The following FBXL7 variants were observed in gnomAD, a reference collection of about 807,000 sequenced individuals.
The protein encoded by FBXL7 is F-box/LRR-repeat protein 7.
FBXL7 carries 12 observed loss-of-function variants against 38.3 expected under a neutral mutation model. The ratio of observed to expected loss-of-function variants is 0.31; its 90% CI spans 0.20 to 0.51. The LOEUF is 0.51. Ranked by LOEUF, FBXL7 falls within the 20% of genes least tolerant of loss-of-function variation. The pLI is 0.98. For synonymous variants in FBXL7, 297 were observed against 300.9 expected (o/e 0.99, Z 0.13); for missense variants, 567 against 676.4 (o/e 0.84, Z 1.79).
In FBXL7 at chr5:15,847,478, C is replaced by T. The variant is rs1055143316; in HGVS notation, c.128-80412C>T. Among the ~76,000 whole-genome samples, 6 of 152,276 alleles carry T rather than the reference C, an allele frequency of 3.9e-5. No individual in the cohort carries two copies. The East Asian group carries it at 9.7e-4, about 25-fold the overall frequency. The stretch of plus-strand genomic sequence containing the variant: ...CGTGGGGATTATGGGAACTACAATT[C>T]AAGATGAGATTTGGGTGGGGACAAG... On this transcript the variant is annotated intron_variant, in intron 2 of 3. Coordinates refer to ENST00000504595, the MANE Select transcript of FBXL7 (RefSeq NM_012304.5).
chr5:15,574,188 C>T (rs1738883712), intron 1 of FBXL7, among the ~76,000 whole-genome samples: 1 of 152,176 alleles, frequency 6.6e-6, no homozygotes, highest in African/African-American at 2.4e-5. Context: ...TTCAGAAATA[C>T]TTTATGAATG....
chr5:15,642,834 C>T (rs748383808), intron 2 of FBXL7, among the ~76,000 whole-genome samples: 2 of 152,200 alleles, frequency 1.3e-5, no homozygotes, highest in Non-Finnish European at 2.9e-5. Context: ...CCCACAACAA[C>T]AATTTGCCTA....
At chr5:15,529,954 G>A (rs1580353913) in intron 1 of FBXL7, among the ~76,000 whole-genome samples, 1 of 152,140 alleles carries the variant, frequency 6.6e-6, no homozygotes, top group African/African-American at 2.4e-5. Flanking sequence ...GTGGCTTCAC[G>A]GTAGCTGTAA....
intron 2 of FBXL7, among the ~76,000 whole-genome samples, chr5:15,921,692 T>C (rs1741746220): frequency 6.6e-6 from 1 of 152,138 alleles, no homozygotes; most frequent in African/African-American, 2.4e-5. Context: ...AAGACTTAAA[T>C]AGAAATTTTT....
At chr5:15,824,157 G>T (rs1028257207) in intron 2 of FBXL7, among the ~76,000 whole-genome samples, 1 of 151,544 alleles carries the variant, frequency 6.6e-6, no homozygotes, top group African/African-American at 2.4e-5. Context: ...TTAGCTGGGC[G>T]TGGTGGCACG....
chr5:15,751,032 A>G (rs1276009631), intron 2 of FBXL7, among the ~76,000 whole-genome samples: 1 of 152,166 alleles, frequency 6.6e-6, no homozygotes, highest in Non-Finnish European at 1.5e-5. Context: ...TTGAAAAAGA[A>G]TGATGATTTT....
chr5:15,700,142 G>T (rs1014422699), intron 2 of FBXL7, among the ~76,000 whole-genome samples: 1 of 152,140 alleles, frequency 6.6e-6, no homozygotes, highest in African/African-American at 2.4e-5. Context: ...AAATTGGGTT[G>T]TTCCCTCCCA....
intron 2 of FBXL7, among the ~76,000 whole-genome samples, chr5:15,732,209 A>G (rs1279909564): frequency 6.6e-6 from 1 of 152,206 alleles, no homozygotes; most frequent in Non-Finnish European, 1.5e-5. Context: ...CATGTGTAGA[A>G]TGCTTTCTGT....
At chr5:15,666,739 C>T (rs562138609) in intron 2 of FBXL7, among the ~76,000 whole-genome samples, 1 of 152,302 alleles carries the variant, frequency 6.6e-6, no homozygotes, top group East Asian at 1.9e-4. Flanking sequence ...CAGCTATTCT[C>T]TGACTTTCTT....
intron 2 of FBXL7, among the ~76,000 whole-genome samples, chr5:15,736,957 G>A (rs1735773893): frequency 6.6e-6 from 1 of 152,096 alleles, no homozygotes; most frequent in South Asian, 2.1e-4. Flanking sequence ...CATCTTCTGT[G>A]CCTTCTATGG....
chr5:15,619,444 A>G (rs906109288), intron 2 of FBXL7, among the ~76,000 whole-genome samples: 1 of 152,162 alleles, frequency 6.6e-6, no homozygotes, highest in Non-Finnish European at 1.5e-5. Context: ...TACCTGTAAC[A>G]AGACTGCAGA....
chr5:15,906,673 G>A (rs1393756118), intron 2 of FBXL7, among the ~76,000 whole-genome samples: 27 of 97,678 alleles, frequency 2.8e-4, no homozygotes, highest in Admixed American at 7.0e-4. Context: ...CCCCTCCCCC[G>A]ACCCCACCAC....
At chr5:15,617,084 T>C (rs1474836657) in intron 2 of FBXL7, among the ~76,000 whole-genome samples, 2 of 152,264 alleles carry the variant, frequency 1.3e-5, no homozygotes, top group East Asian at 1.9e-4. Flanking sequence ...TTATAATTTA[T>C]GTATTGTAAT....
At chr5:15,860,709 C>A (rs1483749090) in intron 2 of FBXL7, among the ~76,000 whole-genome samples, 1 of 152,120 alleles carries the variant, frequency 6.6e-6, no homozygotes, top group Non-Finnish European at 1.5e-5. Flanking sequence ...TCCAAGGCTT[C>A]TTTAACCAAT....
intron 1 of FBXL7, among the ~76,000 whole-genome samples, chr5:15,519,738 G>C (rs1397172506): frequency 6.6e-6 from 1 of 152,190 alleles, no homozygotes; most frequent in Non-Finnish European, 1.5e-5. Context: ...AGGAGAAATA[G>C]TGTATTGGTA....
intron 2 of FBXL7, among the ~76,000 whole-genome samples, chr5:15,652,611 G>A (rs1408104340): frequency 6.6e-6 from 1 of 152,178 alleles, no homozygotes; most frequent in Non-Finnish European, 1.5e-5. Flanking sequence ...AGGAGGCCTA[G>A]CTTTTGGCCT....
chr5:15,501,727 G>A (rs1461930240), intron 1 of FBXL7: 3 of 985,406 alleles, frequency 3.0e-6, no homozygotes, highest in South Asian at 9.4e-5. Context: ...ACAGAATGTG[G>A]GTGTCTCTCC....
intron 1 of FBXL7, among the ~76,000 whole-genome samples, chr5:15,575,980 T>C (rs1257821057): frequency 6.6e-6 from 1 of 151,974 alleles, no homozygotes; most frequent in East Asian, 1.9e-4. Flanking sequence ...TGCACTGTGT[T>C]TTTTTGTGTT....
chr5:15,519,451 A>G (rs938750903), intron 1 of FBXL7, among the ~76,000 whole-genome samples: 1 of 147,106 alleles, frequency 6.8e-6, no homozygotes, highest in Non-Finnish European at 1.5e-5. Flanking sequence ...AAACAAAAAA[A>G]AAAAACAAAC....
Sources: allele counts gnomAD v4.1 joint callset (sites outside exome capture counted in the v4.1 genomes callset), GRCh38; gene constraint gnomAD v4.1.1; transcripts MANE v1.5; gene names NCBI Gene and HGNC (gene_info 2026-07-23, HGNC 2026-07-21).